Variants in HECW2 observed in about 807,000 individuals in gnomAD.
The protein encoded by HECW2 is HECT, C2 and WW domain containing E3 ubiquitin protein ligase 2, also known as E3 ubiquitin-protein ligase HECW2.
Under a neutral mutation model 175.2 loss-of-function variants are expected in HECW2, and 61 were observed. The observed-to-expected ratio is 0.35, with a 90% CI of 0.28 to 0.43. The LOEUF is 0.43. Among genes scored for constraint, HECW2 ranks in the 20% least tolerant of loss-of-function variants. The probability of loss-of-function intolerance (pLI) is 1.00; values close to 1 mark genes in which losing one functional copy is unlikely to be tolerated. For synonymous variants in HECW2, 671 were observed against 731.0 expected, an observed-to-expected ratio of 0.92 and a Z score of 1.32; for missense variants, 1,524 against 2,000.5, an observed-to-expected ratio of 0.76 and a Z score of 4.54.
At chr2:196,562,134 T>A (rs1696232370) in intron 1 of HECW2, among the ~76,000 whole-genome samples, 3 of 152,160 alleles carry the variant, frequency 2.0e-5, no homozygotes, top group African/African-American at 7.2e-5. Context: ...GCTGAATAGA[T>A]TTGCAGGTGG....
chr2:196,251,327 G>A (rs975902606), intron 19 of HECW2, among the ~76,000 whole-genome samples: 1 of 152,046 alleles, frequency 6.6e-6, no homozygotes. Context: ...TAAATATTGA[G>A]GTTTCTCATG....
intron 1 of HECW2, among the ~76,000 whole-genome samples, chr2:196,552,120 G>C (rs1689618446): frequency 6.6e-6 from 1 of 152,180 alleles, no homozygotes; most frequent in African/African-American, 2.4e-5. Context: ...TCTTTGAAAA[G>C]AGAGATGCAG....
intron 1 of HECW2, among the ~76,000 whole-genome samples, chr2:196,550,671 A>T (rs2125483035): frequency 6.6e-6 from 1 of 152,328 alleles, no homozygotes; most frequent in East Asian, 1.9e-4. Context: ...CTATTTTGTG[A>T]CTATCTTTAT....
intron 25 of HECW2, 102 bp downstream of exon 25, chr2:196,220,692 GT>G: frequency 5.6e-6 from 7 of 1,258,302 alleles, no homozygotes; most frequent in Non-Finnish European, 7.9e-6. Flanking sequence ...AAGAGCAACA[GT>G]AAATACAGCA....
intron 1 of HECW2, among the ~76,000 whole-genome samples, chr2:196,576,756 G>A (rs927995070): frequency 2.6e-4 from 39 of 152,140 alleles, no homozygotes; most frequent in Non-Finnish European, 7.3e-5. Flanking sequence ...ATGTTAACAA[G>A]CATTGTGGTG....
At chr2:196,475,582 C>T (rs1440874050) in intron 1 of HECW2, among the ~76,000 whole-genome samples, 1 of 152,242 alleles carries the variant, frequency 6.6e-6, no homozygotes, top group Non-Finnish European at 1.5e-5. Flanking sequence ...TCCCCACTTA[C>T]TAGCAGGGTC....
rs572842470 is a variant in HECW2, at chr2:196,293,344, G to A, written c.2815-594C>T. Reference sequence around the variant, plus strand: ...AAAGGACATTATCTCATTCCTTTTCGTGGCTGCATAGCATTCCATGGTATA... The same window carrying A: ...AAAGGACATTATCTCATTCCTTTTCATGGCTGCATAGCATTCCATGGTATA... On this transcript the variant is annotated intron_variant, in intron 13 of 28. Transcript: ENST00000644978. Among the ~76,000 whole-genome samples, 7 of 152,164 alleles carry A rather than the reference G, an allele frequency of 4.6e-5. No homozygotes were observed. In the East Asian group the frequency reaches 7.7e-4, roughly 17 times the overall value.
chr2:196,276,874 T>C (rs748782261), intron 15 of HECW2, among the ~76,000 whole-genome samples: 4 of 152,062 alleles, frequency 2.6e-5, no homozygotes, highest in African/African-American at 4.8e-5. Flanking sequence ...ATTCCAAGAG[T>C]AGAATTTTGA....
At chr2:196,433,013 C>T in intron 2 of HECW2, 119 bp downstream of exon 2, 2 of 820,688 alleles carry the variant, frequency 2.4e-6, no homozygotes, top group Non-Finnish European at 3.8e-6. Flanking sequence ...TTCCCAGAAT[C>T]TGCTATGTGT....
At chr2:196,508,519 G>A (rs1393746587) in intron 1 of HECW2, among the ~76,000 whole-genome samples, 1 of 152,252 alleles carries the variant, frequency 6.6e-6, no homozygotes, top group Non-Finnish European at 1.5e-5. Flanking sequence ...GCTTCAGTGT[G>A]TGCAGAGAGT....
intron 1 of HECW2, among the ~76,000 whole-genome samples, chr2:196,450,029 G>T (rs1417382255): frequency 6.6e-6 from 1 of 152,160 alleles, no homozygotes; most frequent in African/African-American, 2.4e-5. Context: ...AAGTATGGGG[G>T]CCTTGGTGGT....
At chr2:196,394,286 A>T (rs934461852) in intron 2 of HECW2, among the ~76,000 whole-genome samples, 1 of 152,214 alleles carries the variant, frequency 6.6e-6, no homozygotes, top group African/African-American at 2.4e-5. Flanking sequence ...TGTACCCTAG[A>T]ACTTAAAGTA....
At chr2:196,584,752 T>C (rs1690916393) in intron 1 of HECW2, among the ~76,000 whole-genome samples, 1 of 152,166 alleles carries the variant, frequency 6.6e-6, no homozygotes, top group South Asian at 2.1e-4. Context: ...ATCCTTCTTA[T>C]ATAGGCAAGT....
intron 2 of HECW2, among the ~76,000 whole-genome samples, chr2:196,432,155 T>C (rs73989918): frequency 0.025 from 3,763 of 152,206 alleles, 154 homozygotes; most frequent in African/African-American, 0.085. Flanking sequence ...CCTTGCCGAA[T>C]GTCCTCTAGG....
intron 4 of HECW2, among the ~76,000 whole-genome samples, chr2:196,330,573 G>A (rs558428314): frequency 1.3e-5 from 2 of 152,244 alleles, no homozygotes; most frequent in East Asian, 3.9e-4. Context: ...ATAGAGTTTA[G>A]TTTTAGCAAA....
rs1202126044 is a variant in HECW2 at position 196,264,273 on chromosome 2, GT to G, written c.3336-6368del. On this transcript the variant is annotated intron_variant, in intron 17 of 28. Coordinates refer to ENST00000644978, the MANE Select transcript of HECW2 (RefSeq NM_001348768.2). ...GGGGTTGGGGAAGGCACTGAGACTGGTTTCAGCACTGATATTTTGCTTTGGT... is the reference window on the plus strand; with the variant it reads ...GGGGTTGGGGAAGGCACTGAGACTGGTTCAGCACTGATATTTTGCTTTGGT... 4 of 152,130 alleles carry G rather than the reference GT, an allele frequency of 2.6e-5. No individual in the cohort carries two copies. The East Asian group carries it at 7.7e-4, about 29-fold the overall frequency. The allele number at this position is 152,130 out of a possible 1,614,324, so 9.4% of individuals were successfully genotyped here. A position where few individuals can be genotyped will look rare whatever the true frequency, so the allele number is the denominator to read the frequency against.
chr2:196,567,056 A>T (rs1303439258), intron 1 of HECW2, among the ~76,000 whole-genome samples: 1 of 152,152 alleles, frequency 6.6e-6, no homozygotes, highest in Non-Finnish European at 1.5e-5. Flanking sequence ...AGGCATAGTC[A>T]TAAGATTAAA....
Position 196,591,140 on chromosome 2 carries a change from A to G in HECW2, c.-36+2368T>C, listed in dbSNP as rs114111558. ...TGATTTTGATTTCTTTACCGACACC[A>G]CAGCCATTCATAAAGATTCATTGCC... On this transcript the variant is annotated intron_variant, in intron 1 of 28. Transcript: ENST00000644978. Among the ~76,000 whole-genome samples the G allele has an allele frequency of 2.9e-3, 446 of 152,356 alleles. 2 individuals are homozygous for G. The highest frequency in any genetic ancestry group is 0.01 in the African/African-American group (431 of 41,586).
chr2:196,374,287 A>C (rs1361530345), intron 2 of HECW2, among the ~76,000 whole-genome samples: 23 of 152,208 alleles, frequency 1.5e-4, no homozygotes, highest in Admixed American at 1.4e-3. Context: ...GCAAAATTAT[A>C]TGTACAATAG....
Sources: gnomAD v4.1 joint callset for allele counts (sites outside exome capture counted in the v4.1 genomes callset) on GRCh38, gnomAD v4.1.1 for gene constraint, MANE v1.5 for transcripts, NCBI Gene and HGNC (gene_info 2026-07-23, HGNC 2026-07-21) for gene names.